Variants in SAMSN1 observed in about 807,000 individuals in gnomAD.
The protein encoded by SAMSN1 is SAM domain-containing protein SAMSN-1.
In SAMSN1, 31 loss-of-function variants were observed where a neutral mutation model predicts 42.0. The ratio of observed to expected loss-of-function variants is 0.74; its 90% CI spans 0.55 to 1.00. The LOEUF (loss-of-function observed/expected upper bound fraction) is 1.00. Among genes scored for constraint, SAMSN1 ranks in the 50% least tolerant of loss-of-function variants. SAMSN1 has a pLI of 0.00. For missense variants in SAMSN1, 464 were observed against 439.4 expected (o/e 1.06, Z -0.50); for synonymous variants, 178 against 151.9 (o/e 1.17, Z -1.26).
chr21:14,525,076 A>G (rs939901291), intron 1 of SAMSN1, among the ~76,000 whole-genome samples: 6 of 152,202 alleles, frequency 3.9e-5, no homozygotes, highest in Non-Finnish European at 8.8e-5. Flanking sequence ...TGTTCTGTAT[A>G]TGTTCATACT....
At chr21:14,654,459 A>C (rs1242232118) in intron 1 of SAMSN1, among the ~76,000 whole-genome samples, 2 of 152,052 alleles carry the variant, frequency 1.3e-5, no homozygotes, top group Non-Finnish European at 2.9e-5. Context: ...CTCCCATCCC[A>C]AAACAGACAG....
At chr21:14,594,457 G>A (rs1009616322) in intron 6 of SAMSN1, among the ~76,000 whole-genome samples, 1 of 152,098 alleles carries the variant, frequency 6.6e-6, no homozygotes, top group Non-Finnish European at 1.5e-5. Context: ...AATGTTTTAT[G>A]AAGCAGCCCA....
intron 1 of SAMSN1, among the ~76,000 whole-genome samples, chr21:14,644,599 GT>G (rs1037966614): frequency 6.6e-6 from 1 of 152,170 alleles, no homozygotes; most frequent in Non-Finnish European, 1.5e-5. Context: ...ATTACTAGCT[GT>G]GGTGGCTACA....
In SAMSN1 at chr21:14,579,663, TTG is replaced by T. The variant is rs1491520502; in HGVS notation, c.261+2471_261+2472del. On this transcript the variant is annotated intron_variant, in intron 2 of 8. Transcript: ENST00000285670. ...TCACTTTTTTTTTTTTTTTTTTTTT[TTG>T]GAGGCAGGGTCTCACTTTGTTTCCC... Among the ~76,000 whole-genome samples, 404 of 131,954 alleles carry T rather than the reference TTG, an allele frequency of 3.1e-3. 3 individuals carry two copies. The highest frequency in any genetic ancestry group is 0.015 in the Middle Eastern group (4 of 264). 86.6% of individuals were successfully genotyped at this position (131,954 alleles called of 152,430 possible). A position where few individuals can be genotyped will look rare whatever the true frequency, so the allele number is the denominator to read the frequency against.
intron 1 of SAMSN1, among the ~76,000 whole-genome samples, chr21:14,643,797 T>A (rs916143604): frequency 5.3e-5 from 8 of 152,264 alleles, no homozygotes; most frequent in African/African-American, 1.9e-4. Context: ...GTCCCGAATC[T>A]CCGACGCCAC....
chr21:14,553,211 CTATTAACAT>C (rs1980657942), intron 2 of SAMSN1, among the ~76,000 whole-genome samples: 1 of 152,024 alleles, frequency 6.6e-6, no homozygotes, highest in Admixed American at 6.6e-5. Flanking sequence ...TCATTAGTCA[CTATTAACAT>C]TATCATGGTA....
At chr21:14,620,745 G>A (rs1373577080) in intron 2 of SAMSN1, among the ~76,000 whole-genome samples, 1 of 152,082 alleles carries the variant, frequency 6.6e-6, no homozygotes, top group Non-Finnish European at 1.5e-5. Context: ...ATCCTTACAT[G>A]ATGTCAAACA....
upstream of SAMSN1, chr21:14,583,611 C>A: frequency 1.4e-6 from 1 of 712,268 alleles, no homozygotes; most frequent in South Asian, 1.5e-5. Context: ...TTAGTTCTCC[C>A]TCAAAGGAGT....
chr21:14,632,765 G>A (rs1055376906), intron 2 of SAMSN1, among the ~76,000 whole-genome samples: 1 of 152,160 alleles, frequency 6.6e-6, no homozygotes, highest in African/African-American at 2.4e-5. Flanking sequence ...TTCATCTGAA[G>A]GTTCAGCTAG....
chr21:14,599,464 T>C (rs1339124060), intron 6 of SAMSN1, among the ~76,000 whole-genome samples: 1 of 152,134 alleles, frequency 6.6e-6, no homozygotes, highest in Non-Finnish European at 1.5e-5. Context: ...AAACTGTGAG[T>C]CAATTAAACC....
At chr21:14,487,326 A>G (rs1214353610) in intron 7 of SAMSN1, among the ~76,000 whole-genome samples, 1 of 150,832 alleles carries the variant, frequency 6.6e-6, no homozygotes, top group Non-Finnish European at 1.5e-5. Flanking sequence ...TAGGAAATCT[A>G]CTCTTTATCT....
rs994609599 is a variant in SAMSN1 at position 14,629,679 on chromosome 21, G to A, written c.156+13323C>T. ...AGCTTATAGCGCCTGGAGAATGCAC[G>A]GGGCCATAATCCATCAGGAAGAGGG... On this transcript the variant is annotated intron_variant, in intron 2 of 15. Coordinates refer to the SAMSN1 transcript ENST00000647101. 2.6e-5 allele frequency among the ~76,000 whole-genome samples: 4 copies of A among 152,106 alleles called. No individual in the cohort carries two copies. In the East Asian group the frequency reaches 7.7e-4, roughly 29 times the overall value.
chr21:14,485,812 T>C lies in SAMSN1; in HGVS notation c.*100A>G. The C allele has an allele frequency of 1.1e-6, 1 of 934,388 alleles. No individual in the cohort carries two copies. The highest frequency in any genetic ancestry group is 1.7e-6 in the Non-Finnish European group (1 of 596,408). The allele number at this position is 934,388 out of a possible 1,614,324, so 57.9% of individuals were successfully genotyped here. A position where few individuals can be genotyped will look rare whatever the true frequency, so the allele number is the denominator to read the frequency against. ...TAAAACATTTAAACTTTAGGTTTTATTTACAAATATTTATCTTATCTTCCT... is the reference window on the plus strand; with the variant it reads ...TAAAACATTTAAACTTTAGGTTTTACTTACAAATATTTATCTTATCTTCCT... On this transcript the variant is annotated 3_prime_UTR_variant, in exon 8 of 8. Transcript: ENST00000400566.
chr21:14,551,755 T>G (rs1018435267), intron 2 of SAMSN1, among the ~76,000 whole-genome samples: 1 of 152,108 alleles, frequency 6.6e-6, no homozygotes, highest in African/African-American at 2.4e-5. Context: ...TATAAATATT[T>G]TCAATATAAT....
intron 1 of SAMSN1, among the ~76,000 whole-genome samples, chr21:14,539,139 G>C (rs968767379): frequency 1.3e-5 from 2 of 152,092 alleles, no homozygotes; most frequent in Non-Finnish European, 2.9e-5. Context: ...GGGTATATTA[G>C]AGTTCTTAAC....
At chr21:14,486,185 T>C (rs1986428272) in intron 7 of SAMSN1, 71 bp from the exon 8 acceptor site, 1 of 1,005,464 alleles carries the variant, frequency 9.9e-7, no homozygotes, top group Non-Finnish European at 1.5e-6. Context: ...TCATTCACTT[T>C]CAAGTATTAT....
rs373855760 is a variant in SAMSN1 at position 14,579,402 on chromosome 21, C to T, written c.261+2734G>A. 3.0e-3 allele frequency among the ~76,000 whole-genome samples: 460 copies of T among 152,286 alleles called. 5 individuals carry two copies. Among genetic ancestry groups the T allele is most frequent in the African/African-American group, 9.7e-3 (402 of 41,566 alleles). ...AATATGACTGTTGTGTATTTCCCTACACCTACACACATCCACAAACACTCA... is the reference window on the plus strand; with the variant it reads ...AATATGACTGTTGTGTATTTCCCTATACCTACACACATCCACAAACACTCA... On this transcript the variant is annotated intron_variant, in intron 2 of 8. Transcript: ENST00000285670.
chr21:14,575,563 C>T (rs1981432615), intron 2 of SAMSN1, among the ~76,000 whole-genome samples: 1 of 152,146 alleles, frequency 6.6e-6, no homozygotes, highest in African/African-American at 2.4e-5. Context: ...TAAAGCTGTT[C>T]CAACAACTGA....
intron 2 of SAMSN1, among the ~76,000 whole-genome samples, chr21:14,554,412 G>A (rs1362436380): frequency 1.3e-5 from 2 of 152,080 alleles, no homozygotes; most frequent in Non-Finnish European, 1.5e-5. Flanking sequence ...ACACTAGATA[G>A]TAACAAGCAA....
Sources: allele counts gnomAD v4.1 joint callset (sites outside exome capture counted in the v4.1 genomes callset), GRCh38; gene constraint gnomAD v4.1.1; transcripts MANE v1.5; gene names NCBI Gene and HGNC (gene_info 2026-07-23, HGNC 2026-07-21).